The following REDIC1 variants were observed in gnomAD, a reference collection of about 807,000 sequenced individuals.
The protein encoded by REDIC1 is HEI10 Interacting Protein 1.
At chr12:39,698,074 G>C in the REDIC1 span, among the ~76,000 whole-genome samples, 12 of 152,248 alleles carry the variant, frequency 7.9e-5, no homozygotes, top group East Asian at 2.3e-3. Context: ...GATATTCCAA[G>C]CCAATAGAAA....
At chr12:39,637,172 C>T in the REDIC1 span, among the ~76,000 whole-genome samples, 5 of 151,454 alleles carry the variant, frequency 3.3e-5, no homozygotes, top group African/African-American at 1.2e-4. Context: ...AATAAAGTAA[C>T]AAATATTTAT....
chr12:39,733,024 T>C, the REDIC1 span, among the ~76,000 whole-genome samples: 1 of 151,284 alleles, frequency 6.6e-6, no homozygotes, highest in Non-Finnish European at 1.5e-5. Flanking sequence ...AGATTGGCCA[T>C]TGGGTCATTA....
chr12:39,803,410 A>G, the REDIC1 span, among the ~76,000 whole-genome samples: 1 of 152,178 alleles, frequency 6.6e-6, no homozygotes, highest in East Asian at 1.9e-4. Context: ...ATTAAACTTT[A>G]GACCATAAAA....
chr12:39,748,980 A>G, the REDIC1 span, among the ~76,000 whole-genome samples: 1 of 152,190 alleles, frequency 6.6e-6, no homozygotes, highest in Non-Finnish European at 1.5e-5. Flanking sequence ...AAGATCTAAA[A>G]TTGACACCCT....
At chr12:39,739,563 T>C in the REDIC1 span, among the ~76,000 whole-genome samples, 13 of 152,176 alleles carry the variant, frequency 8.5e-5, no homozygotes, top group African/African-American at 3.1e-4. Flanking sequence ...TTAAAATATG[T>C]CACTTTTGGC....
At chr12:39,825,803 C>T in the REDIC1 span, among the ~76,000 whole-genome samples, 5 of 152,052 alleles carry the variant, frequency 3.3e-5, no homozygotes, top group African/African-American at 9.7e-5. Flanking sequence ...TTGCTTTGCA[C>T]TTCCCATCCT....
At chr12:39,764,646 T>C in the REDIC1 span, 7 of 1,581,386 alleles carry the variant, frequency 4.4e-6, no homozygotes, top group Non-Finnish European at 6.0e-6. Flanking sequence ...TTTAGTAAAA[T>C]AGCATGTAAG....
the REDIC1 span, among the ~76,000 whole-genome samples, chr12:39,660,000 A>G: frequency 6.6e-6 from 1 of 152,096 alleles, no homozygotes; most frequent in Admixed American, 6.6e-5. Context: ...ATTTTGCTCC[A>G]CTGCTGAGGC....
the REDIC1 span, among the ~76,000 whole-genome samples, chr12:39,702,356 C>T: frequency 6.6e-6 from 1 of 152,206 alleles, no homozygotes; most frequent in Admixed American, 6.5e-5. Context: ...AATTACTCAA[C>T]ACATACACCC....
the REDIC1 span, among the ~76,000 whole-genome samples, chr12:39,669,206 G>A: frequency 4.9e-4 from 75 of 152,200 alleles, no homozygotes; most frequent in African/African-American, 1.7e-3. Context: ...GGTCTTTGAT[G>A]ATGGTGACAT....
chr12:39,639,335 G>C, the REDIC1 span, among the ~76,000 whole-genome samples: 16,682 of 151,918 alleles, frequency 0.11, 1,006 homozygotes, highest in Middle Eastern at 0.15. Flanking sequence ...GGACTCTAGC[G>C]AGTCCACCCT....
the REDIC1 span, among the ~76,000 whole-genome samples, chr12:39,680,058 C>G: frequency 6.6e-6 from 1 of 152,166 alleles, no homozygotes; most frequent in African/African-American, 2.4e-5. Context: ...AAAAACTCTT[C>G]TAGACATTGG....
At chr12:39,870,221 C>A in the REDIC1 span, among the ~76,000 whole-genome samples, 20 of 152,050 alleles carry the variant, frequency 1.3e-4, no homozygotes, top group Non-Finnish European at 2.6e-4. Context: ...CTTGAGGTAG[C>A]AATATACTGG....
chr12:39,746,199 TGACA>T, the REDIC1 span, among the ~76,000 whole-genome samples: 2 of 151,642 alleles, frequency 1.3e-5, no homozygotes, highest in Admixed American at 6.6e-5. Flanking sequence ...AGGGAAGGGG[TGACA>T]GACGGCACCT....
the REDIC1 span, among the ~76,000 whole-genome samples, chr12:39,688,702 T>C: frequency 6.6e-6 from 1 of 152,122 alleles, no homozygotes. Flanking sequence ...GTGGAACAGC[T>C]CAAGTTAGGG....
chr12:39,895,881 TATGCGTGTATATGCAC>T, the REDIC1 span, among the ~76,000 whole-genome samples: 4 of 87,596 alleles, frequency 4.6e-5, 2 homozygotes, highest in African/African-American at 8.3e-5. Context: ...CACATATGTA[TATGCGTGTATATGCAC>T]ACACATATGT....
the REDIC1 span, among the ~76,000 whole-genome samples, chr12:39,748,150 C>T: frequency 6.6e-6 from 1 of 152,040 alleles, no homozygotes; most frequent in Non-Finnish European, 1.5e-5. Flanking sequence ...AGAGTCAAGA[C>T]CCATCAGTGT....
chr12:39,735,572 C>T, the REDIC1 span, among the ~76,000 whole-genome samples: 1 of 152,240 alleles, frequency 6.6e-6, no homozygotes, highest in Non-Finnish European at 1.5e-5. Context: ...ACAACTTTCT[C>T]ATTGTAGTTT....
the REDIC1 span, among the ~76,000 whole-genome samples, chr12:39,717,109 T>C: frequency 2.0e-5 from 3 of 151,262 alleles, no homozygotes; most frequent in Admixed American, 1.3e-4. Flanking sequence ...TTTATCAAGA[T>C]ACCTTATATA....
Sources: allele counts gnomAD v4.1 joint callset (sites outside exome capture counted in the v4.1 genomes callset), GRCh38; gene constraint gnomAD v4.1.1; transcripts MANE v1.5; gene names NCBI Gene and HGNC (gene_info 2026-07-23, HGNC 2026-07-21).